PTPRM: variants seen among roughly 807,000 people sequenced by gnomAD.
PTPRM encodes the protein receptor-type tyrosine-protein phosphatase mu.
PTPRM carries 47 observed loss-of-function variants against 186.7 expected under a neutral mutation model. The ratio of observed to expected loss-of-function variants is 0.25; its 90% CI spans 0.20 to 0.32. The LOEUF (loss-of-function observed/expected upper bound fraction) is 0.32. Ranked by LOEUF, PTPRM falls within the 10% of genes least tolerant of loss-of-function variation. The probability of loss-of-function intolerance (pLI) is 1.00; values close to 1 mark genes in which losing one functional copy is unlikely to be tolerated. For missense variants in PTPRM, 1,494 were observed against 1,865.0 expected (o/e 0.80, Z 3.66); for synonymous variants, 668 against 674.9 (o/e 0.99, Z 0.16).
chr18:7,911,333 AT>A (rs1242929287), intron 4 of PTPRM, among the ~76,000 whole-genome samples: 1 of 152,188 alleles, frequency 6.6e-6, no homozygotes, highest in Admixed American at 6.5e-5. Context: ...TGTTTTTTAA[AT>A]TGGCTGCACC....
At chr18:7,913,676 G>T (rs1246044380) in intron 4 of PTPRM, among the ~76,000 whole-genome samples, 2 of 152,118 alleles carry the variant, frequency 1.3e-5, no homozygotes, top group African/African-American at 4.8e-5. Flanking sequence ...CTTAGGCATG[G>T]TGTATAATCT....
intron 2 of PTPRM, among the ~76,000 whole-genome samples, chr18:7,824,554 C>G (rs1051056858): frequency 2.0e-5 from 3 of 152,090 alleles, no homozygotes; most frequent in African/African-American, 7.2e-5. Flanking sequence ...GGGTTTCCTT[C>G]TCTCTTCTTT....
intron 5 of PTPRM, among the ~76,000 whole-genome samples, chr18:7,938,436 T>C (rs1416809927): frequency 6.6e-6 from 1 of 152,224 alleles, no homozygotes; most frequent in Non-Finnish European, 1.5e-5. Flanking sequence ...TAGAGTGCTA[T>C]AAATACAGTT....
At chr18:8,090,534 A>C (rs2090660147) in intron 11 of PTPRM, among the ~76,000 whole-genome samples, 3 of 152,148 alleles carry the variant, frequency 2.0e-5, no homozygotes, top group Admixed American at 2.0e-4. Flanking sequence ...TCTTACTTTC[A>C]AACCCTTTCA....
intron 14 of PTPRM, among the ~76,000 whole-genome samples, chr18:8,186,181 C>G (rs2093639035): frequency 2.6e-5 from 4 of 151,968 alleles, no homozygotes; most frequent in South Asian, 2.1e-4. Context: ...CAAAAACTAG[C>G]TGGGCGTGGT....
At chr18:7,913,136 G>A (rs557161037) in intron 4 of PTPRM, among the ~76,000 whole-genome samples, 2 of 152,018 alleles carry the variant, frequency 1.3e-5, no homozygotes, top group Admixed American at 6.6e-5. Flanking sequence ...TTTATTTTTC[G>A]ATTGTTCATT....
At chr18:8,256,238 T>C (rs1397966558) in intron 19 of PTPRM, among the ~76,000 whole-genome samples, 1 of 152,122 alleles carries the variant, frequency 6.6e-6, no homozygotes. Context: ...ACCCAACAGA[T>C]ACTGAGAGGC....
At chr18:8,054,953 T>A (rs1298085813) in intron 7 of PTPRM, among the ~76,000 whole-genome samples, 1 of 152,104 alleles carries the variant, frequency 6.6e-6, no homozygotes, top group African/African-American at 2.4e-5. Context: ...AATATTTTGT[T>A]CCCTTGTTTT....
intron 22 of PTPRM, among the ~76,000 whole-genome samples, chr18:8,341,450 C>T (rs2095474177): frequency 6.6e-6 from 1 of 152,176 alleles, no homozygotes; most frequent in Non-Finnish European, 1.5e-5. Flanking sequence ...AGAATGTCGG[C>T]TGGCAAGAAG....
chr18:7,985,742 A>G (rs2082929928), intron 7 of PTPRM, among the ~76,000 whole-genome samples: 1 of 151,748 alleles, frequency 6.6e-6, no homozygotes, highest in African/African-American at 2.4e-5. Flanking sequence ...CGGAGAATGG[A>G]GTTTCCATCC....
chr18:8,376,173 G>T lies in PTPRM; in HGVS notation c.3299G>T (p.Ser1100Ile), dbSNP rs564023971. ...VRQVKSKSPP[S>I]AGPLVVHCSA... ...CAAGTCAAGTCCAAGAGCCCGCCCAGTGCAGGCCCACTGGTGGTGCACTGC... is the reference window on the plus strand; with the variant it reads ...CAAGTCAAGTCCAAGAGCCCGCCCATTGCAGGCCCACTGGTGGTGCACTGC... Residue 1100 changes from serine (S) to isoleucine (I), a missense_variant, in exon 25 of 33, where the codon AGT becomes ATT. By Grantham distance (142) the Ser-to-Ile change is moderately radical. Coordinates refer to ENST00000580170, the MANE Select transcript of PTPRM (RefSeq NM_001105244.2). 14 of 1,613,156 alleles carry T rather than the reference G, an allele frequency of 8.7e-6. 1 individual carries two copies. In the South Asian group the frequency reaches 1.3e-4, roughly 15 times the overall value.
intron 7 of PTPRM, among the ~76,000 whole-genome samples, chr18:7,962,386 C>T (rs914416897): frequency 1.3e-5 from 2 of 152,136 alleles, no homozygotes; most frequent in Non-Finnish European, 1.5e-5. Flanking sequence ...TACAAATTTA[C>T]GGTGTTGTGT....
chr18:8,056,888 A>G (rs1398947486), intron 7 of PTPRM, among the ~76,000 whole-genome samples: 2 of 152,084 alleles, frequency 1.3e-5, no homozygotes, highest in Admixed American at 1.3e-4. Context: ...GAAACTGGCC[A>G]GGAGGGCGTA....
At position 8,343,454 on chromosome 18, in the gene PTPRM, G is replaced by T. The variant is rs141406581; in HGVS notation, c.2988G>T (p.Trp996Cys). Residue 996 changes from tryptophan to cysteine, a missense_variant, in exon 23 of 33, where the codon TGG becomes TGT. This residue lies in a region of PTPRM where 1,107 missense variants were observed against 1,350.2 expected (regional missense o/e 0.82). Transcript: ENST00000580170. ...GPMQETIYDF[W>C]RMVWHENTAS... Reference sequence around the variant, plus strand: ...TGCAGGAAACCATCTATGACTTCTGGAGGATGGTGTGGCACGAAAACACTG... The same window carrying T: ...TGCAGGAAACCATCTATGACTTCTGTAGGATGGTGTGGCACGAAAACACTG... 2 of 1,613,976 alleles carry T rather than the reference G, an allele frequency of 1.2e-6. No individual in the cohort carries two copies. The highest frequency in any genetic ancestry group is 3.3e-5 in the Admixed American group (2 of 59,988).
At chr18:7,804,928 C>T (rs1162974000) in intron 2 of PTPRM, among the ~76,000 whole-genome samples, 3 of 152,174 alleles carry the variant, frequency 2.0e-5, no homozygotes, top group Non-Finnish European at 4.4e-5. Flanking sequence ...ATTCTGCTCC[C>T]AGCATTTCTG....
chr18:7,603,639 C>A (rs971985418), intron 1 of PTPRM, among the ~76,000 whole-genome samples: 1 of 152,246 alleles, frequency 6.6e-6, no homozygotes, highest in South Asian at 2.1e-4. Flanking sequence ...CTGATTCTTT[C>A]TGTTCCTCCA....
intron 2 of PTPRM, among the ~76,000 whole-genome samples, chr18:7,782,341 A>G (rs1237587730): frequency 6.6e-6 from 1 of 152,098 alleles, no homozygotes; most frequent in Non-Finnish European, 1.5e-5. Flanking sequence ...TTAATTAGGA[A>G]GGAAGGAAGG....
intron 28 of PTPRM, among the ~76,000 whole-genome samples, chr18:8,379,958 AC>A (rs2148506828): frequency 6.6e-6 from 1 of 152,320 alleles, no homozygotes; most frequent in East Asian, 1.9e-4. Flanking sequence ...AAAAAGCAGA[AC>A]TTTTAATTAT....
At chr18:8,122,269 C>T (rs2092203532) in intron 13 of PTPRM, 1 of 152,580 alleles carries the variant, frequency 6.6e-6, no homozygotes, top group Non-Finnish European at 1.5e-5. Flanking sequence ...CAGCTTACAA[C>T]ACCTTACATT....
Sources: allele counts gnomAD v4.1 joint callset (sites outside exome capture counted in the v4.1 genomes callset), GRCh38; gene constraint gnomAD v4.1.1; regional missense constraint gnomAD v4.1.1; transcripts MANE v1.5; gene names NCBI Gene and HGNC (gene_info 2026-07-23, HGNC 2026-07-21).